CNTNAP2: variants seen among roughly 807,000 people sequenced by gnomAD.
CNTNAP2 encodes the protein contactin-associated protein-like 2.
Under a neutral mutation model 155.2 loss-of-function variants are expected in CNTNAP2, and 98 were observed. The observed-to-expected ratio is 0.63, with a 90% CI of 0.54 to 0.75. CNTNAP2 has a LOEUF of 0.75. Ranked by LOEUF, CNTNAP2 falls within the 30% of genes least tolerant of loss-of-function variation. The pLI, the probability that CNTNAP2 is intolerant of heterozygous loss-of-function variation, is 0.00. For synonymous variants in CNTNAP2, 651 were observed against 631.2 expected, an observed-to-expected ratio of 1.03 and a Z score of -0.47; for missense variants, 1,727 against 1,688.1, an observed-to-expected ratio of 1.02 and a Z score of -0.40.
chr7:147,324,655 A>T (rs571593137), intron 9 of CNTNAP2, among the ~76,000 whole-genome samples: 11 of 152,134 alleles, frequency 7.2e-5, no homozygotes, highest in African/African-American at 2.4e-4. Context: ...TTAAATTTAT[A>T]TGGTCCCTTA....
intron 1 of CNTNAP2, among the ~76,000 whole-genome samples, chr7:146,463,830 G>A (rs577030064): frequency 1.3e-5 from 2 of 151,868 alleles, no homozygotes; most frequent in Non-Finnish European, 2.9e-5. Context: ...AATGATGGCA[G>A]GTTTGTAAAA....
At chr7:146,988,294 C>T (rs902824813) in intron 3 of CNTNAP2, among the ~76,000 whole-genome samples, 1 of 151,710 alleles carries the variant, frequency 6.6e-6, no homozygotes, top group African/African-American at 2.4e-5. Context: ...CTTAGAAAAC[C>T]TGGTTAAAAT....
At chr7:146,130,127 G>T (rs1797693109) in intron 1 of CNTNAP2, among the ~76,000 whole-genome samples, 2 of 152,154 alleles carry the variant, frequency 1.3e-5, no homozygotes, top group Admixed American at 6.5e-5. Context: ...CCGCTTAATT[G>T]TCTATCAGCA....
At chr7:147,941,631 A>G (rs2707575) in intron 14 of CNTNAP2, among the ~76,000 whole-genome samples, 57,113 of 152,082 alleles carry the variant, frequency 0.38, 13,186 homozygotes, top group Middle Eastern at 0.65. Flanking sequence ...TACTCGCTCA[A>G]TTGCCAGGTT....
At chr7:147,174,440 A>T (rs1395908982) in intron 8 of CNTNAP2, among the ~76,000 whole-genome samples, 1 of 152,206 alleles carries the variant, frequency 6.6e-6, no homozygotes, top group Non-Finnish European at 1.5e-5. Flanking sequence ...TTTCAATACT[A>T]CTCCATTGCA....
At chr7:147,392,934 G>A (rs2116447615) in intron 9 of CNTNAP2, among the ~76,000 whole-genome samples, 1 of 152,140 alleles carries the variant, frequency 6.6e-6, no homozygotes, top group East Asian at 1.9e-4. Flanking sequence ...GATATCTATT[G>A]TTGCATTATG....
intron 4 of CNTNAP2, among the ~76,000 whole-genome samples, chr7:147,067,313 AG>A (rs747446845): frequency 2.1e-5 from 3 of 141,948 alleles, no homozygotes; most frequent in Admixed American, 7.0e-5. Context: ...AAAAAAAAAA[AG>A]GACTAATCCC....
At chr7:147,655,046 C>T (rs144623967) in intron 13 of CNTNAP2, among the ~76,000 whole-genome samples, 2,520 of 152,032 alleles carry the variant, frequency 0.017, 220 homozygotes, top group Admixed American at 0.15. Flanking sequence ...CTTCTGACCT[C>T]AGGTGATCCA....
intron 1 of CNTNAP2, among the ~76,000 whole-genome samples, chr7:146,688,658 T>A (rs73739697): frequency 6.6e-6 from 1 of 152,092 alleles, no homozygotes; most frequent in Non-Finnish European, 1.5e-5. Flanking sequence ...AGACAGGAAC[T>A]GGCTATTTTT....
At chr7:148,145,195 G>A (rs1322250653) in intron 16 of CNTNAP2, among the ~76,000 whole-genome samples, 1 of 152,164 alleles carries the variant, frequency 6.6e-6, no homozygotes, top group Non-Finnish European at 1.5e-5. Flanking sequence ...TGCTCGTGGG[G>A]TCCTTTGGCC....
chr7:147,921,804 G>A (rs754274587), intron 14 of CNTNAP2, among the ~76,000 whole-genome samples: 4 of 152,160 alleles, frequency 2.6e-5, no homozygotes, highest in Non-Finnish European at 4.4e-5. Flanking sequence ...ACAGGAGCAG[G>A]GGACCAACTA....
intron 14 of CNTNAP2, among the ~76,000 whole-genome samples, chr7:147,977,406 G>C (rs540191370): frequency 6.6e-6 from 1 of 152,292 alleles, no homozygotes; most frequent in South Asian, 2.1e-4. Context: ...AGGAACAAAA[G>C]GTGTCCCTTA....
chr7:146,644,751 G>A (rs149216535), intron 1 of CNTNAP2, among the ~76,000 whole-genome samples: 7 of 152,140 alleles, frequency 4.6e-5, no homozygotes, highest in East Asian at 1.9e-4. Flanking sequence ...TAAATTCCTC[G>A]ACACATACAC....
chr7:146,217,920 A>T (rs1799139384), intron 1 of CNTNAP2, among the ~76,000 whole-genome samples: 2 of 152,244 alleles, frequency 1.3e-5, no homozygotes, highest in Non-Finnish European at 2.9e-5. Flanking sequence ...TATATGGGTG[A>T]TGACATAATC....
chr7:147,398,495 C>CA, intron 10 of CNTNAP2, among the ~76,000 whole-genome samples: 1 of 150,070 alleles, frequency 6.7e-6, no homozygotes, highest in East Asian at 2.0e-4. Flanking sequence ...AGATAATAGT[C>CA]ACAGCTGCAA....
chr7:146,733,422 C>CA (rs556362811), intron 1 of CNTNAP2, among the ~76,000 whole-genome samples: 3 of 147,616 alleles, frequency 2.0e-5, no homozygotes, highest in Non-Finnish European at 4.5e-5. Flanking sequence ...CTGCAAAAAA[C>CA]AAAAAACAAG....
At chr7:147,397,193 CAGTTTATATTTAAAT>C (rs1296482907) in intron 10 of CNTNAP2, among the ~76,000 whole-genome samples, 1 of 151,810 alleles carries the variant, frequency 6.6e-6, no homozygotes, top group East Asian at 1.9e-4. Context: ...GTAGCCTAAA[CAGTTTATATTTAAAT>C]AGAATAGTGA....
chr7:147,482,629 G>C (rs1798441345), intron 10 of CNTNAP2, among the ~76,000 whole-genome samples: 1 of 152,050 alleles, frequency 6.6e-6, no homozygotes, highest in Admixed American at 6.6e-5. Context: ...GCTGAGGCAG[G>C]AGAATGGCGT....
rs1232955277 is a variant in CNTNAP2 at position 146,657,992 on chromosome 7, T to C, written c.98-116279T>C. Among the ~76,000 whole-genome samples the C allele has an allele frequency of 2.0e-5, 3 of 152,116 alleles. No homozygotes were observed. In the East Asian group the frequency reaches 5.8e-4, roughly 29 times the overall value. On this transcript the variant is annotated intron_variant, in intron 1 of 23. Coordinates refer to ENST00000361727, the MANE Select transcript of CNTNAP2 (RefSeq NM_014141.6). Reference sequence around the variant, plus strand: ...AAACATACATTCAAGCATGTATAAATATATGCATGTACAATAAATATATTT... The same window carrying C: ...AAACATACATTCAAGCATGTATAAACATATGCATGTACAATAAATATATTT...
Sources: gnomAD v4.1 joint callset for allele counts (sites outside exome capture counted in the v4.1 genomes callset) on GRCh38, gnomAD v4.1.1 for gene constraint, MANE v1.5 for transcripts, NCBI Gene and HGNC (gene_info 2026-07-23, HGNC 2026-07-21) for gene names.